Variants in AMMECR1L observed in about 807,000 individuals in gnomAD.
AMMECR1L encodes the protein AMMECR1 like.
In AMMECR1L, 4 loss-of-function variants were observed where a neutral mutation model predicts 36.8. The observed-to-expected ratio is 0.11, with a 90% CI of 0.05 to 0.25. AMMECR1L has a LOEUF of 0.25. Ranked by LOEUF, AMMECR1L falls within the 10% of genes least tolerant of loss-of-function variation. The pLI is 1.00. For missense variants in AMMECR1L, 232 were observed against 392.1 expected (o/e 0.59, Z 3.45); for synonymous variants, 147 against 148.0 (o/e 0.99, Z 0.05).
rs1352661485 is a variant in AMMECR1L, at chr2:127,869,014, C to A, written c.724+440G>T. 6.6e-6 allele frequency among the ~76,000 whole-genome samples: 1 copy of A among 152,132 alleles called. No individual in the cohort carries two copies. The highest frequency in any genetic ancestry group is 2.4e-5 in the African/African-American group (1 of 41,428). On this transcript the variant is annotated intron_variant, in intron 6 of 7. Coordinates refer to ENST00000272647, the MANE Select transcript of AMMECR1L (RefSeq NM_001199140.2). This position sits in a 1 kb window ranked among gnomAD's most constrained non-coding sequence, Gnocchi z 4.7. ...CTGGGATTATAGGAGTAAGCCACCA[C>A]GCCTGGCCGACTACTGAGTTCTTTA...
In AMMECR1L at chr2:127,874,011, G is replaced by C; in HGVS notation, c.224C>G (p.Pro75Arg). 1 of 1,614,260 alleles carries C rather than the reference G, an allele frequency of 6.2e-7. No homozygotes were observed. Among genetic ancestry groups the C allele is most frequent in the Non-Finnish European group, 8.5e-7 (1 of 1,180,046 alleles). Reference sequence around the variant, plus strand: ...CGATGCGGGATTCATTCGTGTGATGGGAGAGTTTCCAGGTCCCAGAGTTAA... The same window carrying C: ...CGATGCGGGATTCATTCGTGTGATGCGAGAGTTTCCAGGTCCCAGAGTTAA... ...SDLTLGPGNS[P>R]ITRMNPASGA... Residue 75 changes from proline to arginine, a missense_variant, in exon 3 of 8, where the codon CCC becomes CGC. By Grantham distance (103) the Pro-to-Arg change is moderately radical (BLOSUM62 -2). This residue lies in a region of AMMECR1L where 109 missense variants were observed against 128.1 expected (regional missense o/e 0.85). Transcript: ENST00000272647. This position sits in a 1 kb window ranked among gnomAD's most constrained non-coding sequence, Gnocchi z 5.2.
intron 6 of AMMECR1L, among the ~76,000 whole-genome samples, chr2:127,867,858 T>TA (rs1235314233): frequency 6.6e-6 from 1 of 152,192 alleles, no homozygotes; most frequent in African/African-American, 2.4e-5. Context: ...CTCATGCATA[T>TA]ACTATTGTTA....
In AMMECR1L at chr2:127,865,157, G is replaced by A. The variant is rs1690626732; in HGVS notation, c.870C>T (p.Ser290=). The change falls in exon 8 of 8, where the codon TCC becomes TCT. Residue 290 remains serine (S), a synonymous_variant. Coordinates refer to ENST00000272647, the MANE Select transcript of AMMECR1L (RefSeq NM_001199140.2). This position sits in a 1 kb window ranked among gnomAD's most constrained non-coding sequence, Gnocchi z 5.4. ...TGCCGTTCTGGAAACAGTGCTGTCG[G>A]GAAGCAATATACTCTGCGTAACTGA... ...VTISYAEYIA[S]RQHCFQNGTL... 1.9e-6 allele frequency: 3 copies of A among 1,613,808 alleles called. No homozygotes were observed. The highest frequency in any genetic ancestry group is 2.2e-5 in the East Asian group (1 of 44,886).
chr2:127,867,192 G>A, intron 6 of AMMECR1L, 196 bp from the exon 7 acceptor site: 1 of 985,476 alleles, frequency 1.0e-6, no homozygotes. Flanking sequence ...TGAGACATGA[G>A]ATGATAGCCC....
At chr2:127,881,030 C>T (rs1038172823) in intron 2 of AMMECR1L, among the ~76,000 whole-genome samples, 4 of 152,150 alleles carry the variant, frequency 2.6e-5, no homozygotes, top group Non-Finnish European at 4.4e-5. Flanking sequence ...CACCTAAATT[C>T]ACTTCTTGGT....
Position 127,874,407 on chromosome 2 carries a change from A to T in AMMECR1L, c.-38-135T>A, listed in dbSNP as rs975590393. On this transcript the variant is annotated intron_variant, in intron 2 of 7. Coordinates refer to ENST00000272647, the MANE Select transcript of AMMECR1L (RefSeq NM_001199140.2). This position sits in a 1 kb window ranked among gnomAD's most constrained non-coding sequence, Gnocchi z 5.2. ...TTCTCCCACTCAACCTCCAGGTCAC[A>T]GACCAGGAGAAGAAACCCCTAACCT... The T allele has an allele frequency of 1.1e-5, 9 of 809,060 alleles. No individual in the cohort carries two copies. The African/African-American group carries it at 1.2e-4, about 11-fold the overall frequency. 50.1% of individuals were successfully genotyped at this position (809,060 alleles called of 1,614,324 possible). A position where few individuals can be genotyped will look rare whatever the true frequency, so the allele number is the denominator to read the frequency against.
At chr2:127,883,741 T>G (rs1691624474) in intron 2 of AMMECR1L, among the ~76,000 whole-genome samples, 1 of 152,220 alleles carries the variant, frequency 6.6e-6, no homozygotes, top group African/African-American at 2.4e-5. Flanking sequence ...GATGGGATTT[T>G]CAAGAAAATA....
In AMMECR1L at chr2:127,873,415, C is replaced by T. The variant is rs904820678; in HGVS notation, c.407+413G>A. 2.0e-6 allele frequency: 2 copies of T among 985,290 alleles called. No individual in the cohort carries two copies. Among genetic ancestry groups the T allele is most frequent in the East Asian group, 2.3e-4 (2 of 8,810 alleles). 61.0% of individuals were successfully genotyped at this position (985,290 alleles called of 1,614,324 possible). On this transcript the variant is annotated intron_variant, in intron 3 of 7. Coordinates refer to ENST00000272647, the MANE Select transcript of AMMECR1L (RefSeq NM_001199140.2). This position sits in a 1 kb window ranked among gnomAD's most constrained non-coding sequence, Gnocchi z 5.2. ...GACCCCTGTTAACCAAATCGCAGAT[C>T]CCAGTGAATGAGAGCTCCTAGTCTC...
rs576015777 is a variant in AMMECR1L at position 127,885,599 on chromosome 2, C to T, written c.-149+211G>A. 1,619 of 979,494 alleles carry T rather than the reference C, an allele frequency of 1.7e-3. 19 individuals are homozygous for T. The African/African-American group carries it at 0.025, about 15-fold the overall frequency. The allele number at this position is 979,494 out of a possible 1,614,324, so 60.7% of individuals were successfully genotyped here. A position where few individuals can be genotyped will look rare whatever the true frequency, so the allele number is the denominator to read the frequency against. On this transcript the variant is annotated intron_variant, in intron 1 of 7. Coordinates refer to ENST00000272647, the MANE Select transcript of AMMECR1L (RefSeq NM_001199140.2). ...CCGGCAGTGCCTCCCGACCCCCTGC[C>T]CTCCGCTGGGACATGGCCTGAGGCC...
rs377481926 is a variant in AMMECR1L at position 127,868,062 on chromosome 2, C to T, written c.725-1066G>A. ...GCTGAATTTGTATTTTTTGTAGAGA[C>T]GAGGTTTCGCCACCAGACTAGTCTT... On this transcript the variant is annotated intron_variant, in intron 6 of 7. Coordinates refer to ENST00000272647, the MANE Select transcript of AMMECR1L (RefSeq NM_001199140.2). Among the ~76,000 whole-genome samples, 47 of 152,170 alleles carry T rather than the reference C, an allele frequency of 3.1e-4. No individual in the cohort carries two copies. The South Asian group carries it at 8.1e-3, about 26-fold the overall frequency.
chr2:127,875,644 T>C (rs1310685026), intron 2 of AMMECR1L, among the ~76,000 whole-genome samples: 2 of 152,210 alleles, frequency 1.3e-5, no homozygotes, highest in African/African-American at 4.8e-5. Flanking sequence ...TCTTCATATA[T>C]GCTGATCCAT....
chr2:127,885,115 G>C, intron 1 of AMMECR1L: 3 of 983,164 alleles, frequency 3.1e-6, no homozygotes, highest in Non-Finnish European at 2.4e-6. Context: ...AACCCAGCGT[G>C]TCAGGTGGAC....
chr2:127,872,126 T>C (rs7587128), intron 3 of AMMECR1L, among the ~76,000 whole-genome samples: 13,030 of 142,956 alleles, frequency 0.091, 1,553 homozygotes, highest in African/African-American at 0.27. Flanking sequence ...AAGGCAGAGG[T>C]TGCAGTGAAC....
At chr2:127,872,876 G>T in intron 3 of AMMECR1L, 2 of 542,610 alleles carry the variant, frequency 3.7e-6, no homozygotes, top group Non-Finnish European at 4.7e-6. Context: ...TGTTACCCCA[G>T]GGTGACGGTT....
intron 6 of AMMECR1L, among the ~76,000 whole-genome samples, chr2:127,868,796 C>T (rs536019583): frequency 6.6e-6 from 1 of 151,948 alleles, no homozygotes; most frequent in South Asian, 2.1e-4. Flanking sequence ...ACGATCTTGG[C>T]TCACTGCAAC....
In AMMECR1L at chr2:127,864,452, C is replaced by T. The variant is rs1690595867; in HGVS notation, c.*642G>A. 1 of 152,444 alleles carries T rather than the reference C, an allele frequency of 6.6e-6. No homozygotes were observed. Among genetic ancestry groups the T allele is most frequent in the Non-Finnish European group, 1.5e-5 (1 of 68,040 alleles). The allele number at this position is 152,444 out of a possible 1,614,324, so 9.4% of individuals were successfully genotyped here. The stretch of plus-strand genomic sequence containing the variant: ...GGGATGAGGATGAAAATCTTCACGG[C>T]CTACTGAGCAATGAGATCTGCAACG... On this transcript the variant is annotated 3_prime_UTR_variant, in exon 8 of 8. Coordinates refer to ENST00000272647, the MANE Select transcript of AMMECR1L (RefSeq NM_001199140.2).
intron 2 of AMMECR1L, among the ~76,000 whole-genome samples, chr2:127,881,229 A>G (rs1691487335): frequency 6.6e-6 from 1 of 151,614 alleles, no homozygotes; most frequent in African/African-American, 2.4e-5. Context: ...TACCCACTGG[A>G]GAATTTATTT....
Position 127,884,209 on chromosome 2 carries a change from C to G in AMMECR1L, c.-45G>C, listed in dbSNP as rs1691650497. ...TGCCCAAGATAATACTCACTGAAAGCAGAAAGTTTGTATTGCCAGAGGAAC... is the reference window on the plus strand; with the variant it reads ...TGCCCAAGATAATACTCACTGAAAGGAGAAAGTTTGTATTGCCAGAGGAAC... On this transcript the variant is annotated 5_prime_UTR_variant, in exon 2 of 8. Coordinates refer to ENST00000272647, the MANE Select transcript of AMMECR1L (RefSeq NM_001199140.2). The G allele has an allele frequency of 1.3e-5, 2 of 152,162 alleles. No individual in the cohort carries two copies. The highest frequency in any genetic ancestry group is 2.4e-5 in the African/African-American group (1 of 41,438). The allele number at this position is 152,162 out of a possible 1,614,324, so 9.4% of individuals were successfully genotyped here.
intron 3 of AMMECR1L, among the ~76,000 whole-genome samples, chr2:127,872,326 C>A (rs905658029): frequency 1.3e-5 from 2 of 152,060 alleles, no homozygotes; most frequent in Non-Finnish European, 2.9e-5. Context: ...AGATTACAGG[C>A]ATGAGCCACC....
Sources: gnomAD v4.1 joint callset for allele counts (sites outside exome capture counted in the v4.1 genomes callset) on GRCh38, gnomAD v4.1.1 for gene constraint, gnomAD v4.1.1 regional missense constraint, Gnocchi (gnomAD v3.1) non-coding constraint, MANE v1.5 for transcripts, NCBI Gene and HGNC (gene_info 2026-07-23, HGNC 2026-07-21) for gene names.